DARS1: variants seen among roughly 807,000 people sequenced by gnomAD.
DARS1 encodes the protein aspartate--tRNA ligase, cytoplasmic.
In DARS1, 51 loss-of-function variants were observed where a neutral mutation model predicts 68.8. The ratio of observed to expected loss-of-function variants is 0.74; its 90% confidence interval spans 0.59 to 0.94. The LOEUF is 0.94. Ranked by LOEUF, DARS1 falls within the 40% of genes least tolerant of loss-of-function variation. The probability of loss-of-function intolerance (pLI) is 0.00; values close to 1 mark genes in which losing one functional copy is unlikely to be tolerated. For missense variants in DARS1, 607 were observed against 597.3 expected (o/e 1.02, Z -0.17); for synonymous variants, 203 against 190.4 (o/e 1.07, Z -0.55).
intron 4 of DARS1, among the ~76,000 whole-genome samples, chr2:135,952,612 T>C (rs1395889614): frequency 6.6e-6 from 1 of 152,162 alleles, no homozygotes; most frequent in East Asian, 1.9e-4. Context: ...TCAACATCTT[T>C]AGCACATGAG....
chr2:135,920,333 A>G (rs1343146016), intron 10 of DARS1, 120 bp downstream of exon 10: 3 of 1,394,920 alleles, frequency 2.2e-6, no homozygotes, highest in Non-Finnish European at 1.9e-6. Context: ...TCTAACTGGT[A>G]AATCTTTATA....
chr2:135,966,351 T>C (rs963046145), intron 3 of DARS1, among the ~76,000 whole-genome samples: 5 of 152,152 alleles, frequency 3.3e-5, no homozygotes. Context: ...AATATATAAT[T>C]CCTCAGTTTA....
intron 5 of DARS1, among the ~76,000 whole-genome samples, chr2:135,940,480 T>C (rs543383118): frequency 4.3e-4 from 66 of 152,206 alleles, no homozygotes; most frequent in African/African-American, 1.6e-3. Flanking sequence ...TAAAAACTCT[T>C]AATAAACTAG....
chr2:135,908,346 G>A (rs570930900), intron 15 of DARS1, among the ~76,000 whole-genome samples: 2 of 152,212 alleles, frequency 1.3e-5, no homozygotes, highest in African/African-American at 4.8e-5. Flanking sequence ...CAGTTTAGTA[G>A]TGCCAAATAC....
At chr2:135,913,630 C>T (rs1238576466) in intron 12 of DARS1, among the ~76,000 whole-genome samples, 7 of 151,618 alleles carry the variant, frequency 4.6e-5, no homozygotes, top group South Asian at 2.1e-4. Flanking sequence ...TGGTGGTGGG[C>T]GCCTGTAATC....
intron 15 of DARS1, among the ~76,000 whole-genome samples, chr2:135,910,515 A>AG (rs1380452147): frequency 6.6e-6 from 1 of 152,096 alleles, no homozygotes; most frequent in Non-Finnish European, 1.5e-5. Flanking sequence ...ATATGATGTT[A>AG]GGTAAGGGTC....
intron 5 of DARS1, among the ~76,000 whole-genome samples, chr2:135,936,217 C>A (rs1012449515): frequency 6.6e-6 from 1 of 152,146 alleles, no homozygotes; most frequent in African/African-American, 2.4e-5. Flanking sequence ...GTAGGTAATA[C>A]TTCATGCTTT....
chr2:135,953,477 G>A (rs1681894058), intron 4 of DARS1, among the ~76,000 whole-genome samples: 1 of 152,124 alleles, frequency 6.6e-6, no homozygotes, highest in Non-Finnish European at 1.5e-5. Flanking sequence ...TCAAGAGAGT[G>A]ATACAAAGGT....
At position 135,911,220 on chromosome 2, in the gene DARS1, G is replaced by A. The variant is rs1558775498; in HGVS notation, c.1343-10C>T. 3.6e-6 allele frequency: 5 copies of A among 1,406,778 alleles called. No individual in the cohort carries two copies. The highest frequency in any genetic ancestry group is 5.0e-6 in the Non-Finnish European group (5 of 993,400). The allele number at this position is 1,406,778 out of a possible 1,614,324, so 87.1% of individuals were successfully genotyped here. ...TTAATTTTCTCCAAATCTGCAAAAAGACACAAAACAAAATATAATTTATCA... is the reference window on the plus strand; with the variant it reads ...TTAATTTTCTCCAAATCTGCAAAAAAACACAAAACAAAATATAATTTATCA... On this transcript the variant is annotated splice_polypyrimidine_tract_variant and intron_variant, in intron 14 of 15. Coordinates refer to ENST00000264161, the MANE Select transcript of DARS1 (RefSeq NM_001349.4).
At chr2:135,963,860 A>G (rs148528291) in intron 3 of DARS1, among the ~76,000 whole-genome samples, 2,106 of 149,926 alleles carry the variant, frequency 0.014, 42 homozygotes, top group African/African-American at 0.039. Flanking sequence ...TTGTATTTGT[A>G]GTAGAGACGG....
chr2:135,985,323 C>G, intron 1 of DARS1, 80 bp downstream of exon 1: 6 of 1,539,646 alleles, frequency 3.9e-6, no homozygotes, highest in Non-Finnish European at 5.2e-6. Flanking sequence ...CCTGTAGGGC[C>G]CCACTCCCCC....
intron 2 of DARS1, chr2:135,980,428 T>C (rs1369338616): frequency 2.0e-5 from 3 of 152,244 alleles, no homozygotes; most frequent in Non-Finnish European, 4.4e-5. Context: ...CTGTATGTCT[T>C]ACCGAATTTT....
intron 5 of DARS1, among the ~76,000 whole-genome samples, chr2:135,936,689 T>C (rs1681478929): frequency 6.6e-6 from 1 of 152,232 alleles, no homozygotes; most frequent in African/African-American, 2.4e-5. Context: ...TTGTCTTTAC[T>C]AGGTTACAAA....
chr2:135,951,219 CTT>C (rs1327920601), intron 4 of DARS1, among the ~76,000 whole-genome samples: 1 of 152,112 alleles, frequency 6.6e-6, no homozygotes, highest in African/African-American at 2.4e-5. Flanking sequence ...ATGGACTTGC[CTT>C]CTTCTTTGCT....
upstream of DARS1, chr2:135,985,638 C>A (rs956743246): frequency 1.3e-5 from 19 of 1,430,856 alleles, no homozygotes; most frequent in South Asian, 2.0e-4. Context: ...GCGAGAGCTG[C>A]GGCTATCTCG....
chr2:135,980,960 T>C (rs1301179889), intron 2 of DARS1, among the ~76,000 whole-genome samples: 2 of 152,220 alleles, frequency 1.3e-5, no homozygotes, highest in Admixed American at 1.3e-4. Flanking sequence ...TCACTATGAC[T>C]GGCTAACCAG....
chr2:135,917,772 G>A (rs190724744), intron 10 of DARS1, among the ~76,000 whole-genome samples: 231 of 151,990 alleles, frequency 1.5e-3, no homozygotes, highest in Admixed American at 3.8e-3. Flanking sequence ...CACCATGCCC[G>A]GCCTAGAATT....
In DARS1 at chr2:135,907,356, G is replaced by C. The variant is rs1456398506; in HGVS notation, c.1466C>G (p.Thr489Ser). 6.2e-7 allele frequency: 1 copy of C among 1,611,740 alleles called. No homozygotes were observed. The highest frequency in any genetic ancestry group is 1.7e-5 in the Admixed American group (1 of 59,760). Reference protein sequence around the residue: ...LFLGLHNVRQTSMFPRDPKRL... With the variant: ...LFLGLHNVRQSSMFPRDPKRL... ...TTTGGGATCACGAGGGAACATGGAG[G>C]TCTGACGAACATTATGCAATCCCAG... Residue 489 changes from threonine to serine, a missense_variant, in exon 16 of 16, where the codon ACC becomes AGC. Coordinates refer to ENST00000264161, the MANE Select transcript of DARS1 (RefSeq NM_001349.4).
At chr2:135,969,010 G>A (rs1156687746) in intron 3 of DARS1, among the ~76,000 whole-genome samples, 2 of 152,018 alleles carry the variant, frequency 1.3e-5, no homozygotes, top group Non-Finnish European at 2.9e-5. Flanking sequence ...AACCATGGCA[G>A]CAAGGATGTG....
Sources: gnomAD v4.1 joint callset for allele counts (sites outside exome capture counted in the v4.1 genomes callset) on GRCh38, gnomAD v4.1.1 for gene constraint, MANE v1.5 for transcripts, NCBI Gene and HGNC (gene_info 2026-07-23, HGNC 2026-07-21) for gene names.